AHNAK: variants seen among roughly 807,000 people sequenced by gnomAD.
AHNAK encodes AHNAK nucleoprotein.
AHNAK carries 23 observed loss-of-function variants against 37.8 expected under a neutral mutation model. The ratio of observed to expected loss-of-function variants is 0.61; its 90% CI spans 0.44 to 0.86. The LOEUF (loss-of-function observed/expected upper bound fraction) is 0.86, where lower values mean the gene tolerates loss of function less well. AHNAK is among the 40% of genes least tolerant of loss of function. The probability of loss-of-function intolerance (pLI) is 0.00; values close to 1 mark genes in which losing one functional copy is unlikely to be tolerated. For missense variants in AHNAK, 7,411 were observed against 7,319.4 expected (o/e 1.01, Z -0.46); for synonymous variants, 2,481 against 2,636.3 (o/e 0.94, Z 1.80).
rs34419128 is a variant in AHNAK, at chr11:62,495,000, C to CAA, written c.343-3171_343-3170dup. On this transcript the variant is annotated intron_variant, in intron 4 of 5. Coordinates refer to the AHNAK transcript ENST00000257247. ...GGGCAACAAGAATGAAACTCCATCT[C>CAA]AAAAAAAAAAAAAAAAGTAGCCAGG... 6.3e-3 allele frequency among the ~76,000 whole-genome samples: 763 copies of CAA among 121,840 alleles called. 8 individuals carry two copies. Among genetic ancestry groups the CAA allele is most frequent in the African/African-American group, 0.022 (737 of 33,942 alleles). The allele number at this position is 121,840 out of a possible 152,430, so 79.9% of individuals were successfully genotyped here. A position where few individuals can be genotyped will look rare whatever the true frequency, so the allele number is the denominator to read the frequency against.
chr11:62,525,878 G>T lies in AHNAK; in HGVS notation c.8539C>A (p.Pro2847Thr). 1 of 1,614,044 alleles carries T rather than the reference G, an allele frequency of 6.2e-7. No individual in the cohort carries two copies. Among genetic ancestry groups the T allele is most frequent in the Non-Finnish European group, 8.5e-7 (1 of 1,180,018 alleles). The change falls in exon 5 of 5, where the codon CCA (proline) becomes ACA (threonine). Residue 2847 changes from proline to threonine, a missense_variant. Physicochemically the swap from Pro to Thr is conservative, Grantham distance 38. Transcript: ENST00000378024. ...MPDIDLNLTG[P>T]KIKGDVDVTG... ...ACATCCACATCTCCTTTTATTTTTG[G>T]ACCTGTGAGATTCAGGTCAATATCT... is the stretch of plus-strand genomic sequence containing the variant.
rs762206999 is a variant in AHNAK, at chr11:62,433,892, C to T, written c.443-1G>A. 12 of 1,613,412 alleles carry T rather than the reference C, an allele frequency of 7.4e-6. No homozygotes were observed. Among genetic ancestry groups the T allele is most frequent in the African/African-American group, 1.3e-5 (1 of 74,894 alleles). ...TTTCTTCCTGGCCGCTTCTACAGTCCTGTAAAACAACAACAAAGAGATTTA... is the reference window on the plus strand; with the variant it reads ...TTTCTTCCTGGCCGCTTCTACAGTCTTGTAAAACAACAACAAAGAGATTTA... On this transcript the variant is annotated splice_acceptor_variant, in intron 5 of 5. Transcript: ENST00000257247. LOFTEE classifies it high-confidence loss of function.
chr11:62,535,290 A>C, intron 3 of AHNAK, 100 bp from the exon 4 acceptor site: 2 of 1,084,058 alleles, frequency 1.8e-6, no homozygotes, highest in Non-Finnish European at 2.7e-6. Context: ...TGAACTCATG[A>C]CCACCCTGCA....
At position 62,523,377 on chromosome 11, in the gene AHNAK, C is replaced by T; in HGVS notation, c.11040G>A (p.Leu3680=). ...KISMPDFDLN[L]KGPKMKGDVV... ...CATCACCCTTCATTTTGGGTCCCTT[C>T]AAGTTCAGGTCAAAGTCAGGCATGG... Residue 3680 remains leucine (L), a synonymous_variant, in exon 5 of 5, where the codon TTG becomes TTA. Coordinates refer to ENST00000378024, the MANE Select transcript of AHNAK (RefSeq NM_001620.3). The T allele has an allele frequency of 6.2e-7, 1 of 1,612,992 alleles. No individual in the cohort carries two copies.
intron 1 of AHNAK, among the ~76,000 whole-genome samples, chr11:62,542,966 G>T (rs559072225): frequency 6.6e-6 from 1 of 152,298 alleles, no homozygotes; most frequent in African/African-American, 2.4e-5. Context: ...TACTGCAGGG[G>T]CGTGGGGCCA....
chr11:62,543,903 C>T (rs1941213084), intron 1 of AHNAK, among the ~76,000 whole-genome samples: 1 of 152,156 alleles, frequency 6.6e-6, no homozygotes, highest in Non-Finnish European at 1.5e-5. Flanking sequence ...ACTTTGGGGC[C>T]TCGGGAATGG....
intron 4 of AHNAK, among the ~76,000 whole-genome samples, chr11:62,509,795 G>A (rs1939876907): frequency 6.6e-6 from 1 of 152,022 alleles, no homozygotes; most frequent in Non-Finnish European, 1.5e-5. Context: ...GCGGGCGCTA[G>A]TAATCCCAGC....
intron 5 of AHNAK, among the ~76,000 whole-genome samples, chr11:62,488,241 C>T (rs193068084): frequency 1.3e-5 from 2 of 152,248 alleles, no homozygotes; most frequent in African/African-American, 2.4e-5. Flanking sequence ...CTTGAAATCC[C>T]GAGACATTTA....
intron 5 of AHNAK, among the ~76,000 whole-genome samples, chr11:62,444,352 T>A (rs544442094): frequency 9.1e-4 from 139 of 152,266 alleles, no homozygotes; most frequent in African/African-American, 3.2e-3. Flanking sequence ...CACAGCTGGG[T>A]GGGTGCCCAG....
At chr11:62,466,245 G>A (rs902779937) in intron 5 of AHNAK, among the ~76,000 whole-genome samples, 3 of 151,948 alleles carry the variant, frequency 2.0e-5, no homozygotes, top group Admixed American at 6.6e-5. Context: ...ACTTGAACCC[G>A]GGAGTTGGAG....
intron 5 of AHNAK, among the ~76,000 whole-genome samples, chr11:62,471,051 AC>A (rs1419302745): frequency 1.3e-5 from 2 of 152,160 alleles, no homozygotes; most frequent in African/African-American, 4.8e-5. Flanking sequence ...TTGGGGAGAA[AC>A]TTTTGTCAGG....
In AHNAK at chr11:62,526,857, C is replaced by T; in HGVS notation, c.7560G>A (p.Met2520Ile). 6.2e-7 allele frequency: 1 copy of T among 1,614,064 alleles called. No individual in the cohort carries two copies. The highest frequency in any genetic ancestry group is 2.2e-5 in the East Asian group (1 of 44,874). ...MPKMKMPKFS[M>I]PGFKAEGPEV... ...CAGGGCCCTCTGCTTTGAAGCCAGG[C>T]ATGCTGAACTTGGGCATTTTCATCT... is the stretch of plus-strand genomic sequence containing the variant. Residue 2520 changes from methionine to isoleucine, a missense_variant, in exon 5 of 5, where the codon ATG (methionine) becomes ATA (isoleucine). Physicochemically the swap from Met to Ile is conservative, Grantham distance 10. Transcript: ENST00000378024.
chr11:62,531,056 C>T lies in AHNAK; in HGVS notation c.3361G>A (p.Asp1121Asn), dbSNP rs1411521158. 1 of 1,613,484 alleles carries T rather than the reference C, an allele frequency of 6.2e-7. No individual in the cohort carries two copies. Among genetic ancestry groups the T allele is most frequent in the Non-Finnish European group, 8.5e-7 (1 of 1,179,896 alleles). ...KAPDVEGQGLDWSLKIPKMKM... is the reference protein window; with the variant it reads ...KAPDVEGQGLNWSLKIPKMKM... ...ATCTTGGGTATTTTCAGGCTCCAGTCCAGGCCTTGGCCTTCCACATCTGGT... is the reference window on the plus strand; with the variant it reads ...ATCTTGGGTATTTTCAGGCTCCAGTTCAGGCCTTGGCCTTCCACATCTGGT... The change falls in exon 5 of 5, where the codon GAC becomes AAC. Residue 1121 changes from aspartate (D) to asparagine (N), a missense_variant. By Grantham distance (23) the Asp-to-Asn change is conservative (BLOSUM62 1). Coordinates refer to ENST00000378024, the MANE Select transcript of AHNAK (RefSeq NM_001620.3).
At chr11:62,536,158 G>T in intron 2 of AHNAK, 60 bp from the exon 3 acceptor site, 3 of 1,490,992 alleles carry the variant, frequency 2.0e-6, no homozygotes, top group Non-Finnish European at 2.7e-6. Context: ...ATGAGGGCAT[G>T]GGAAAGCTAG....
In AHNAK at chr11:62,522,739, A is replaced by T; in HGVS notation, c.11678T>A (p.Val3893Glu). The change falls in exon 5 of 5, where the codon GTG (valine) becomes GAG (glutamate). Residue 3893 changes from valine to glutamate, a missense_variant. Transcript: ENST00000378024. ...GTCACCTTCCACTTTTGGCAGAGAC[A>T]CATCCATATCACCCTTCACTTTGGG... ...KGPKVKGDMD[V>E]SLPKVEGDMQ... is the part of the protein sequence containing the mutation. 6.2e-7 allele frequency: 1 copy of T among 1,613,582 alleles called. No individual in the cohort carries two copies. The highest frequency in any genetic ancestry group is 1.3e-5 in the African/African-American group (1 of 74,786).
intron 5 of AHNAK, among the ~76,000 whole-genome samples, chr11:62,443,400 G>A (rs1938354329): frequency 6.6e-6 from 1 of 151,312 alleles, no homozygotes; most frequent in Admixed American, 6.6e-5. Context: ...AGCCTCCTGA[G>A]TAGCTAGGAT....
intron 4 of AHNAK, among the ~76,000 whole-genome samples, chr11:62,506,247 A>T (rs75772579): frequency 3.3e-4 from 43 of 131,518 alleles, no homozygotes; most frequent in East Asian, 1.4e-3. Flanking sequence ...AATAAATATT[A>T]AAAAAAAAAG....
intron 5 of AHNAK, among the ~76,000 whole-genome samples, chr11:62,468,056 A>T (rs1565204272): frequency 6.6e-6 from 1 of 151,916 alleles, no homozygotes; most frequent in Non-Finnish European, 1.5e-5. Context: ...TATTAATTAC[A>T]TGGTGATTTG....
intron 5 of AHNAK, among the ~76,000 whole-genome samples, chr11:62,490,363 G>A (rs112388625): frequency 8.6e-5 from 13 of 151,900 alleles, no homozygotes; most frequent in Admixed American, 2.0e-4. Flanking sequence ...CACCACGCCC[G>A]GCTAATTTTG....
Sources: gnomAD v4.1 joint callset for allele counts (sites outside exome capture counted in the v4.1 genomes callset) on GRCh38, gnomAD v4.1.1 for gene constraint, MANE v1.5 for transcripts, NCBI Gene and HGNC (gene_info 2026-07-23, HGNC 2026-07-21) for gene names.